The following TRDN variants were observed in gnomAD, a reference collection of about 807,000 sequenced individuals.
TRDN encodes the protein triadin, also known as triadin in skeletal muscle.
Under a neutral mutation model 149.7 loss-of-function variants are expected in TRDN, and 161 were observed. That is an observed-to-expected ratio of 1.08 (90% CI 0.95 to 1.23). The LOEUF is 1.23. Among genes scored for constraint, TRDN ranks in the 50% most tolerant of loss-of-function variants. The pLI, the probability that TRDN is intolerant of heterozygous loss-of-function variation, is 0.00. For missense variants in TRDN, 896 were observed against 823.5 expected (o/e 1.09, Z -1.08); for synonymous variants, 294 against 250.5 (o/e 1.17, Z -1.64).
intron 38 of TRDN, among the ~76,000 whole-genome samples, chr6:123,243,775 T>A (rs549356982): frequency 6.6e-6 from 1 of 152,216 alleles, no homozygotes; most frequent in East Asian, 1.9e-4. Flanking sequence ...AAAAATAACT[T>A]AATGATGAGC....
chr6:123,390,617 C>T (rs1453932420), intron 13 of TRDN, among the ~76,000 whole-genome samples: 3 of 152,062 alleles, frequency 2.0e-5, no homozygotes, highest in Admixed American at 2.0e-4. Context: ...GGATTCCAGG[C>T]CCACAAGCTA....
chr6:123,585,644 T>G (rs1783436974), intron 1 of TRDN, among the ~76,000 whole-genome samples: 1 of 152,086 alleles, frequency 6.6e-6, no homozygotes, highest in Non-Finnish European at 1.5e-5. Context: ...CCGGGTGAGT[T>G]GGACAGTCCG....
intron 21 of TRDN, chr6:123,352,164 T>C: frequency 4.1e-6 from 4 of 984,884 alleles, no homozygotes; most frequent in Non-Finnish European, 4.8e-6. Flanking sequence ...ATGTATAGGA[T>C]TGGGCCATCT....
Position 123,249,102 on chromosome 6 carries a change from T to A in TRDN, c.1975+3310A>T, listed in dbSNP as rs78358513. ...AAACCTGATACATCACATCAACAGA[T>A]TGAAGGACAACCCATTTGAAAAGTG... On this transcript the variant is annotated intron_variant, in intron 38 of 40. Transcript: ENST00000334268. Among the ~76,000 whole-genome samples the A allele has an allele frequency of 8.7e-3, 1,330 of 152,058 alleles. 31 individuals are homozygous for A. Among genetic ancestry groups the A allele is most frequent in the South Asian group, 0.077 (371 of 4,812 alleles).
intron 39 of TRDN, among the ~76,000 whole-genome samples, chr6:123,221,795 A>G (rs1407927649): frequency 2.0e-5 from 3 of 151,770 alleles, no homozygotes; most frequent in Admixed American, 1.3e-4. Flanking sequence ...GATGTGTCAG[A>G]TATTCATTAA....
intron 29 of TRDN, among the ~76,000 whole-genome samples, chr6:123,271,692 A>G (rs1004435530): frequency 6.6e-6 from 1 of 151,976 alleles, no homozygotes; most frequent in African/African-American, 2.4e-5. Context: ...TTTCATAGTC[A>G]AAGATGTTTG....
chr6:123,437,260 A>G (rs1398246843), intron 12 of TRDN: 1 of 236,504 alleles, frequency 4.2e-6, no homozygotes, highest in African/African-American at 2.3e-5. Flanking sequence ...CCTTGATTAA[A>G]CTTTAATAGG....
intron 2 of TRDN, among the ~76,000 whole-genome samples, chr6:123,559,163 C>T (rs1781839766): frequency 6.6e-6 from 1 of 152,192 alleles, no homozygotes; most frequent in African/African-American, 2.4e-5. Flanking sequence ...CTTTGGGTAA[C>T]TCTCACAGTG....
chr6:123,259,950 C>T (rs533520177), intron 34 of TRDN, among the ~76,000 whole-genome samples: 102 of 151,450 alleles, frequency 6.7e-4, no homozygotes, highest in African/African-American at 2.4e-3. Context: ...CCTCTTCCTC[C>T]TCCTACTTCT....
At chr6:123,562,536 G>A (rs550347230) in intron 2 of TRDN, among the ~76,000 whole-genome samples, 1 of 152,256 alleles carries the variant, frequency 6.6e-6, no homozygotes, top group African/African-American at 2.4e-5. Context: ...CAAAACTGCT[G>A]GCAACTTGAT....
Position 123,446,317 on chromosome 6 carries a change from C to T in TRDN, c.932-7314G>A, listed in dbSNP as rs953850644. Reference sequence around the variant, plus strand: ...CAAGTTAGTGGGTGCAGCGCACCAGCGTGGCACATGTGTACATATGTAACT... The same window carrying T: ...CAAGTTAGTGGGTGCAGCGCACCAGTGTGGCACATGTGTACATATGTAACT... On this transcript the variant is annotated intron_variant, in intron 10 of 40. Transcript: ENST00000334268. Among the ~76,000 whole-genome samples, 119 of 151,780 alleles carry T rather than the reference C, an allele frequency of 7.8e-4. 1 individual carries two copies. The highest frequency in any genetic ancestry group is 2.8e-4 in the Non-Finnish European group (19 of 68,000).
chr6:123,428,698 C>T (rs542295868), intron 12 of TRDN, among the ~76,000 whole-genome samples: 1 of 152,112 alleles, frequency 6.6e-6, no homozygotes, highest in Non-Finnish European at 1.5e-5. Context: ...TTACATAGGT[C>T]GGTGGTGTCC....
chr6:123,348,609 C>A (rs1403436449), intron 21 of TRDN, among the ~76,000 whole-genome samples: 1 of 152,022 alleles, frequency 6.6e-6, no homozygotes, highest in African/African-American at 2.4e-5. Context: ...AGGAAACAAT[C>A]TTTGCTCTGA....
At chr6:123,455,447 T>C (rs974778437) in intron 10 of TRDN, among the ~76,000 whole-genome samples, 34 of 149,248 alleles carry the variant, frequency 2.3e-4, no homozygotes, top group African/African-American at 8.2e-4. Flanking sequence ...TGTCTGTGTG[T>C]GTTAGAGAAA....
At position 123,278,537 on chromosome 6, in the gene TRDN, A is replaced by G. The variant is rs903889802; in HGVS notation, c.1538-190T>C. ...TTGTGGCAAACTAGTACGTAACAACAGATTCCTCACTATTATTCCAGTAAG... is the reference window on the plus strand; with the variant it reads ...TTGTGGCAAACTAGTACGTAACAACGGATTCCTCACTATTATTCCAGTAAG... On this transcript the variant is annotated intron_variant, in intron 25 of 40. Transcript: ENST00000334268. 5.3e-5 allele frequency among the ~76,000 whole-genome samples: 8 copies of G among 152,194 alleles called. No homozygotes were observed. The East Asian group carries it at 5.8e-4, about 11-fold the overall frequency.
chr6:123,335,927 C>T (rs947665732), intron 22 of TRDN, among the ~76,000 whole-genome samples: 14 of 151,892 alleles, frequency 9.2e-5, no homozygotes, highest in African/African-American at 3.4e-4. Flanking sequence ...TTCACAAAAT[C>T]AAGGACGCTG....
chr6:123,594,910 G>A (rs1371665457), intron 1 of TRDN, among the ~76,000 whole-genome samples: 4 of 149,160 alleles, frequency 2.7e-5, no homozygotes, highest in East Asian at 4.1e-4. Context: ...TATTTGAAAC[G>A]AAAAGCAAAC....
intron 2 of TRDN, among the ~76,000 whole-genome samples, chr6:123,570,244 T>A (rs1782495207): frequency 2.0e-5 from 3 of 152,322 alleles, no homozygotes; most frequent in South Asian, 2.1e-4. Context: ...AATTCACTCA[T>A]CTAGTCATGT....
intron 1 of TRDN, among the ~76,000 whole-genome samples, chr6:123,598,067 G>T (rs1184666083): frequency 1.3e-5 from 2 of 152,086 alleles, no homozygotes; most frequent in Non-Finnish European, 2.9e-5. Flanking sequence ...CACAGCAAAA[G>T]GTTGTGGATG....
Sources: gnomAD v4.1 joint callset for allele counts (sites outside exome capture counted in the v4.1 genomes callset) on GRCh38, gnomAD v4.1.1 for gene constraint, MANE v1.5 for transcripts, NCBI Gene and HGNC (gene_info 2026-07-23, HGNC 2026-07-21) for gene names.